The following GABRG3 variants were observed in gnomAD, a reference collection of about 807,000 sequenced individuals.
GABRG3 encodes the protein gamma-aminobutyric acid receptor subunit gamma-3.
In GABRG3, 25 loss-of-function variants were observed where a neutral mutation model predicts 48.8. The ratio of observed to expected loss-of-function variants is 0.51; its 90% CI spans 0.37 to 0.72. The LOEUF is 0.72. GABRG3 is among the 30% of genes least tolerant of loss of function. The pLI, the probability that GABRG3 is intolerant of heterozygous loss-of-function variation, is 0.00. For synonymous variants in GABRG3, 227 were observed against 217.6 expected (o/e 1.04, Z -0.38); for missense variants, 394 against 577.9 (o/e 0.68, Z 3.26).
At chr15:27,214,497 G>T (rs554522666) in intron 3 of GABRG3, among the ~76,000 whole-genome samples, 13 of 151,382 alleles carry the variant, frequency 8.6e-5, no homozygotes, top group Admixed American at 4.6e-4. Context: ...TCAGTTTTGG[G>T]TAAGCTACGT....
At chr15:27,526,087 T>G (rs1288487867) in intron 7 of GABRG3, among the ~76,000 whole-genome samples, 1 of 152,268 alleles carries the variant, frequency 6.6e-6, no homozygotes, top group Non-Finnish European at 1.5e-5. Flanking sequence ...CCTGGCATTC[T>G]ATTTTCACTG....
chr15:27,115,208 T>C (rs1161028523), intron 3 of GABRG3, among the ~76,000 whole-genome samples: 2 of 152,082 alleles, frequency 1.3e-5, no homozygotes, highest in Admixed American at 6.6e-5. Flanking sequence ...CAAACAACCA[T>C]GCTTACAAAG....
intron 3 of GABRG3, among the ~76,000 whole-genome samples, chr15:27,254,294 G>C (rs1890546237): frequency 6.6e-6 from 1 of 152,294 alleles, no homozygotes; most frequent in East Asian, 1.9e-4. Flanking sequence ...GCCAGGGAGA[G>C]GCCAGGGACT....
chr15:27,438,685 G>A (rs140315638), intron 5 of GABRG3, among the ~76,000 whole-genome samples: 31 of 152,252 alleles, frequency 2.0e-4, no homozygotes, highest in Middle Eastern at 3.4e-3. Context: ...CTCTTTTACC[G>A]CCTGATGCAC....
Position 26,977,040 on chromosome 15 carries a change from C to G in GABRG3, c.92C>G (p.Ser31Ter). Residue 31 changes from serine to a stop codon, truncating the protein, a stop_gained, in exon 2 of 10, where the codon TCA (serine) becomes TGA (stop). Coordinates refer to ENST00000615808, the MANE Select transcript of GABRG3 (RefSeq NM_033223.5). LOFTEE classifies it high-confidence loss of function. ...KVEEDEYEDS[S>*]SNQKWVLAPK... Reference sequence around the variant, plus strand: ...GAAGAGGATGAATATGAAGATTCATCATCAAACCAAAAGTGGGTCTTGGCT... The same window carrying G: ...GAAGAGGATGAATATGAAGATTCATGATCAAACCAAAAGTGGGTCTTGGCT... 6.2e-7 allele frequency: 1 copy of G among 1,613,912 alleles called. No individual in the cohort carries two copies. The highest frequency in any genetic ancestry group is 8.5e-7 in the Non-Finnish European group (1 of 1,179,870).
intron 5 of GABRG3, among the ~76,000 whole-genome samples, chr15:27,361,750 T>C (rs1256021932): frequency 1.3e-5 from 2 of 152,248 alleles, no homozygotes; most frequent in East Asian, 1.9e-4. Flanking sequence ...TGTCACTTGC[T>C]TTCTGTTATG....
intron 3 of GABRG3, among the ~76,000 whole-genome samples, chr15:27,289,874 TACAC>T (rs1277691299): frequency 6.6e-6 from 1 of 152,228 alleles, no homozygotes; most frequent in African/African-American, 2.4e-5. Flanking sequence ...CGTGGACTAA[TACAC>T]ACACATCATT....
In GABRG3 at chr15:27,174,575, C is replaced by CTCTCTCG. The variant is rs1555407697; in HGVS notation, c.270+147760_270+147761insGTCTCTC. Among the ~76,000 whole-genome samples, 769 of 144,266 alleles carry CTCTCTCG rather than the reference C, an allele frequency of 5.3e-3. 6 individuals are homozygous for CTCTCTCG. The highest frequency in any genetic ancestry group is 0.02 in the African/African-American group (725 of 36,386). 94.6% of individuals were successfully genotyped at this position (144,266 alleles called of 152,430 possible). ...CTCCAGTGTGGACCAGTGACTGCCT[C>CTCTCTCG]TCTCTCTCGTCTCTCTCTCTCTCTC... On this transcript the variant is annotated intron_variant, in intron 3 of 9. Coordinates refer to ENST00000615808, the MANE Select transcript of GABRG3 (RefSeq NM_033223.5).
chr15:27,143,723 G>T (rs1898147988), intron 3 of GABRG3, among the ~76,000 whole-genome samples: 2 of 152,186 alleles, frequency 1.3e-5, no homozygotes, highest in South Asian at 4.1e-4. Context: ...TAACAATAAT[G>T]TAAAATGTTA....
intron 2 of GABRG3, among the ~76,000 whole-genome samples, chr15:27,019,653 G>C (rs1168391338): frequency 1.3e-5 from 2 of 152,136 alleles, no homozygotes; most frequent in Non-Finnish European, 2.9e-5. Flanking sequence ...GGGGTGTAGG[G>C]GATCCTCTGC....
intron 5 of GABRG3, among the ~76,000 whole-genome samples, chr15:27,406,367 A>G (rs1382495938): frequency 6.6e-6 from 1 of 152,064 alleles, no homozygotes; most frequent in Non-Finnish European, 1.5e-5. Context: ...CTAGAATATG[A>G]AAGGGGGGAA....
intron 5 of GABRG3, among the ~76,000 whole-genome samples, chr15:27,422,070 C>A (rs1888135714): frequency 2.0e-5 from 3 of 146,836 alleles, no homozygotes; most frequent in Admixed American, 1.4e-4. Flanking sequence ...GAGTGGGCTG[C>A]ATATCCACCA....
chr15:27,252,146 T>G (rs1890477024), intron 3 of GABRG3, among the ~76,000 whole-genome samples: 1 of 150,394 alleles, frequency 6.6e-6, no homozygotes, highest in African/African-American at 2.4e-5. Context: ...CGAGGGTGAT[T>G]GTTTGTGAAA....
intron 5 of GABRG3, among the ~76,000 whole-genome samples, chr15:27,416,908 A>T (rs1422531088): frequency 6.6e-6 from 1 of 152,236 alleles, no homozygotes; most frequent in African/African-American, 2.4e-5. Flanking sequence ...AATGTATATA[A>T]ATAATAAGAG....
intron 3 of GABRG3, among the ~76,000 whole-genome samples, chr15:27,306,957 A>T (rs546562732): frequency 7.8e-6 from 1 of 128,300 alleles, no homozygotes; most frequent in African/African-American, 3.0e-5. Flanking sequence ...TAATATAAAC[A>T]TGTTTATATA....
Position 27,178,564 on chromosome 15 carries a change from G to C in GABRG3, c.271-148245G>C, listed in dbSNP as rs574849556. Among the ~76,000 whole-genome samples, 3 of 152,322 alleles carry C rather than the reference G, an allele frequency of 2.0e-5. No homozygotes were observed. The Middle Eastern group carries it at 0.01, about 518-fold the overall frequency. On this transcript the variant is annotated intron_variant, in intron 3 of 9. Coordinates refer to ENST00000615808, the MANE Select transcript of GABRG3 (RefSeq NM_033223.5). ...CAAAAGGAAGGTTAATAGGAGAAAA[G>C]ACATACACATTTATTTAACATGTAT...
intron 3 of GABRG3, among the ~76,000 whole-genome samples, chr15:27,163,907 G>T (rs1217942619): frequency 6.6e-6 from 1 of 152,174 alleles, no homozygotes; most frequent in African/African-American, 2.4e-5. Context: ...CCCTGCAGGG[G>T]CTGTGAGAGC....
Position 27,058,311 on chromosome 15 carries a change from C to T in GABRG3, c.270+31490C>T, listed in dbSNP as rs188842821. Among the ~76,000 whole-genome samples the T allele has an allele frequency of 2.5e-4, 38 of 152,318 alleles. 1 individual carries two copies. In the East Asian group the frequency reaches 5.2e-3, roughly 21 times the overall value. ...ACAAGAGTCCACACCAGGCTATCTCCGCACAGCAGAGCTCAGAATTACAGA... is the reference window on the plus strand; with the variant it reads ...ACAAGAGTCCACACCAGGCTATCTCTGCACAGCAGAGCTCAGAATTACAGA... On this transcript the variant is annotated intron_variant, in intron 3 of 9. Coordinates refer to ENST00000615808, the MANE Select transcript of GABRG3 (RefSeq NM_033223.5).
chr15:27,223,989 A>G (rs1357296701), intron 3 of GABRG3, among the ~76,000 whole-genome samples: 1 of 152,030 alleles, frequency 6.6e-6, no homozygotes, highest in Non-Finnish European at 1.5e-5. Flanking sequence ...CCTTTCTCCC[A>G]CTGGAGCTGG....
Sources: gnomAD v4.1 joint callset for allele counts (sites outside exome capture counted in the v4.1 genomes callset) on GRCh38, gnomAD v4.1.1 for gene constraint, MANE v1.5 for transcripts, NCBI Gene and HGNC (gene_info 2026-07-23, HGNC 2026-07-21) for gene names.